SETBP1: variants seen among roughly 807,000 people sequenced by gnomAD.
The protein encoded by SETBP1 is SET binding protein 1, also known as SET-binding protein.
Under a neutral mutation model 101.0 loss-of-function variants are expected in SETBP1, and 9 were observed. The ratio of observed to expected loss-of-function variants is 0.09; its 90% CI spans 0.05 to 0.16. SETBP1 has a LOEUF of 0.16. SETBP1 is among the 10% of genes least tolerant of loss of function. The pLI is 1.00. For synonymous variants in SETBP1, 818 were observed against 788.5 expected (o/e 1.04, Z -0.63); for missense variants, 1,858 against 2,033.8 (o/e 0.91, Z 1.66).
chr18:44,876,581 A>G (rs770517617), intron 3 of SETBP1: 1 of 1,550,846 alleles, frequency 6.4e-7, no homozygotes, highest in South Asian at 1.2e-5. Context: ...GACTCCAGTA[A>G]GGAGGAAGTC....
At chr18:44,980,320 G>A (rs185759126) in intron 4 of SETBP1, among the ~76,000 whole-genome samples, 51 of 152,090 alleles carry the variant, frequency 3.4e-4, no homozygotes, top group Non-Finnish European at 6.2e-4. Flanking sequence ...TACAACTTGC[G>A]TCTTGTCACA....
intron 1 of SETBP1, among the ~76,000 whole-genome samples, chr18:44,698,695 T>C (rs1438452687): frequency 6.6e-6 from 1 of 152,228 alleles, no homozygotes; most frequent in Non-Finnish European, 1.5e-5. Context: ...AAAACTTTCT[T>C]CCTTTTGATT....
intron 4 of SETBP1, among the ~76,000 whole-genome samples, chr18:44,968,391 T>C (rs2071768200): frequency 6.6e-6 from 1 of 152,136 alleles, no homozygotes; most frequent in Non-Finnish European, 1.5e-5. Flanking sequence ...AATGGTTCAA[T>C]GTGATAAGTT....
intron 4 of SETBP1, among the ~76,000 whole-genome samples, chr18:44,959,701 G>T (rs1280983297): frequency 6.6e-6 from 1 of 152,082 alleles, no homozygotes; most frequent in African/African-American, 2.4e-5. Context: ...TGTTCTCAGT[G>T]GGGGAGGAGA....
At chr18:44,976,556 A>C (rs1182871670) in intron 4 of SETBP1, among the ~76,000 whole-genome samples, 3 of 152,210 alleles carry the variant, frequency 2.0e-5, no homozygotes, top group African/African-American at 7.2e-5. Context: ...TTGGGGCCTT[A>C]GAATGGTGAC....
intron 2 of SETBP1, among the ~76,000 whole-genome samples, chr18:44,804,476 T>C (rs1123693): frequency 0.03 from 4,520 of 152,172 alleles, 218 homozygotes; most frequent in African/African-American, 0.1. Flanking sequence ...ACAGGTAGAA[T>C]AGGGTAAGAG....
At chr18:44,934,039 G>A (rs2070900162) in intron 3 of SETBP1, among the ~76,000 whole-genome samples, 2 of 152,158 alleles carry the variant, frequency 1.3e-5, no homozygotes, top group African/African-American at 2.4e-5. Flanking sequence ...ATAGAATGGA[G>A]CTGTTCCTAT....
intron 2 of SETBP1, among the ~76,000 whole-genome samples, chr18:44,786,862 C>T (rs370885094): frequency 1.3e-5 from 2 of 152,048 alleles, no homozygotes; most frequent in South Asian, 2.1e-4. Context: ...TTGAGTTTGT[C>T]GGGGGAAATG....
chr18:44,787,731 G>C (rs1363286402), intron 2 of SETBP1, among the ~76,000 whole-genome samples: 1 of 146,246 alleles, frequency 6.8e-6, no homozygotes, highest in Admixed American at 6.8e-5. Context: ...GCGGGCGCCT[G>C]TAGTCCCAGC....
chr18:44,731,300 C>T (rs1184605643), intron 2 of SETBP1, among the ~76,000 whole-genome samples: 1 of 152,202 alleles, frequency 6.6e-6, no homozygotes, highest in South Asian at 2.1e-4. Flanking sequence ...AAGGCCAGCC[C>T]AGATGATCAG....
intron 4 of SETBP1, among the ~76,000 whole-genome samples, chr18:44,977,694 A>T (rs970921871): frequency 6.6e-6 from 1 of 152,218 alleles, no homozygotes; most frequent in African/African-American, 2.4e-5. Context: ...AGCCTGGGAC[A>T]GATTTTAGGG....
chr18:44,885,857 CAAAAAAA>C (rs1555696149), intron 3 of SETBP1, among the ~76,000 whole-genome samples: 2 of 78,166 alleles, frequency 2.6e-5, no homozygotes, highest in Admixed American at 1.5e-4. Context: ...AAAAAAAAAA[CAAAAAAA>C]AAAACAAGGT....
intron 3 of SETBP1, among the ~76,000 whole-genome samples, chr18:44,899,515 C>G (rs957303324): frequency 1.3e-5 from 2 of 152,192 alleles, no homozygotes; most frequent in Admixed American, 1.3e-4. Flanking sequence ...AGCCTTGGGA[C>G]CATACAGCTC....
At chr18:44,979,319 A>G (rs185584980) in intron 4 of SETBP1, among the ~76,000 whole-genome samples, 78 of 152,284 alleles carry the variant, frequency 5.1e-4, no homozygotes, top group African/African-American at 1.9e-3. Context: ...TAAGCCTTTC[A>G]TATTTGCCTG....
intron 4 of SETBP1, chr18:44,989,125 G>C (rs1392025434): frequency 6.6e-6 from 1 of 152,114 alleles, no homozygotes; most frequent in East Asian, 1.9e-4. Context: ...AAGCAACAAG[G>C]AGTAAAATTA....
intron 2 of SETBP1, among the ~76,000 whole-genome samples, chr18:44,816,138 G>A (rs934297651): frequency 5.9e-5 from 9 of 152,130 alleles, no homozygotes; most frequent in East Asian, 5.8e-4. Flanking sequence ...CCAAGGGATC[G>A]TCCCATAAAA....
intron 5 of SETBP1, among the ~76,000 whole-genome samples, chr18:45,047,102 A>G (rs142673622): frequency 5.1e-4 from 77 of 152,296 alleles, no homozygotes; most frequent in African/African-American, 1.8e-3. Context: ...CCTCTTAAAA[A>G]TAGAGTAATG....
chr18:44,943,980 G>A (rs888239953), intron 3 of SETBP1, among the ~76,000 whole-genome samples: 2 of 151,816 alleles, frequency 1.3e-5, no homozygotes, highest in Non-Finnish European at 2.9e-5. Flanking sequence ...GATTACAGGT[G>A]CACGCCATGA....
intron 3 of SETBP1, chr18:44,876,871 T>C: frequency 2.1e-6 from 3 of 1,403,602 alleles, no homozygotes; most frequent in Non-Finnish European, 2.8e-6. Flanking sequence ...CTTATGATCT[T>C]CTCTGCCTGC....
Sources: gnomAD v4.1 joint callset for allele counts (sites outside exome capture counted in the v4.1 genomes callset) on GRCh38, gnomAD v4.1.1 for gene constraint, MANE v1.5 for transcripts, NCBI Gene and HGNC (gene_info 2026-07-23, HGNC 2026-07-21) for gene names.